The following NETO1 variants were observed in gnomAD, a reference collection of about 807,000 sequenced individuals.
NETO1 encodes the protein neuropilin and tolloid-like protein 1.
A neutral mutation model predicts 61.3 loss-of-function variants in NETO1; 26 were observed. The observed-to-expected ratio is 0.42, with a 90% CI of 0.31 to 0.59. The LOEUF (loss-of-function observed/expected upper bound fraction) is 0.59, where lower values mean the gene tolerates loss of function less well. Among genes scored for constraint, NETO1 ranks in the 20% least tolerant of loss-of-function variants. NETO1 has a pLI of 0.12. For missense variants in NETO1, 531 were observed against 662.8 expected (o/e 0.80, Z 2.18); for synonymous variants, 225 against 225.8 (o/e 1.00, Z 0.03).
chr18:72,782,131 A>C (rs1167455797), intron 7 of NETO1, among the ~76,000 whole-genome samples: 1 of 152,194 alleles, frequency 6.6e-6, no homozygotes, highest in Admixed American at 6.5e-5. Flanking sequence ...TAGACTTCTA[A>C]GGATAATGGC....
rs371621194 is a variant in NETO1, at chr18:72,750,670, C to G, written c.983-50G>C. 6.0e-6 allele frequency: 8 copies of G among 1,336,196 alleles called. No homozygotes were observed. The East Asian group carries it at 1.4e-4, about 24-fold the overall frequency. The allele number at this position is 1,336,196 out of a possible 1,614,324, so 82.8% of individuals were successfully genotyped here. On this transcript the variant is annotated intron_variant, in intron 8 of 10. Transcript: ENST00000327305. ...AACAAACGGACAAAAGAAGAAGCAA[C>G]GCAGCAAACATTAATATTATAGTCA... is the stretch of plus-strand genomic sequence containing the variant.
intron 6 of NETO1, among the ~76,000 whole-genome samples, chr18:72,784,447 A>G (rs1346199586): frequency 1.3e-5 from 2 of 152,208 alleles, no homozygotes; most frequent in African/African-American, 4.8e-5. Context: ...AAAAAGGCCA[A>G]GCTAGTCTCT....
intron 4 of NETO1, among the ~76,000 whole-genome samples, chr18:72,811,243 C>T (rs2072856146): frequency 6.6e-6 from 1 of 152,142 alleles, no homozygotes; most frequent in South Asian, 2.1e-4. Flanking sequence ...CCTAACGGCA[C>T]CACCTGTTCT....
chr18:72,859,093 G>A lies in NETO1; in HGVS notation c.221-19C>T, dbSNP rs761557282. The A allele has an allele frequency of 4.5e-6, 7 of 1,571,060 alleles. No homozygotes were observed. In the South Asian group the frequency reaches 4.8e-5, roughly 11 times the overall value. ...GGAGCGGCTGTAAAGAAGAAAGATT[G>A]TGTCTAGGAGGTCATTTCTTACATC... On this transcript the variant is annotated intron_variant, in intron 3 of 10. Coordinates refer to ENST00000327305, the MANE Select transcript of NETO1 (RefSeq NM_138966.5).
chr18:72,862,991 T>G (rs1031650300), intron 3 of NETO1, among the ~76,000 whole-genome samples: 14 of 152,204 alleles, frequency 9.2e-5, no homozygotes, highest in Admixed American at 9.2e-4. Flanking sequence ...AGTATAAGTA[T>G]TTATTATGAT....
At chr18:72,769,904 C>T (rs1022625841) in intron 7 of NETO1, among the ~76,000 whole-genome samples, 12 of 152,036 alleles carry the variant, frequency 7.9e-5, no homozygotes, top group African/African-American at 2.9e-4. Flanking sequence ...GACTCATCAG[C>T]AGTATATATT....
intron 6 of NETO1, among the ~76,000 whole-genome samples, chr18:72,793,151 C>T (rs962652324): frequency 2.0e-5 from 3 of 152,086 alleles, no homozygotes; most frequent in Admixed American, 6.6e-5. Context: ...AGAGTGCTTG[C>T]GACTTTATAG....
At chr18:72,771,341 G>A (rs576657206) in intron 7 of NETO1, among the ~76,000 whole-genome samples, 92 of 152,282 alleles carry the variant, frequency 6.0e-4, no homozygotes, top group Middle Eastern at 3.4e-3. Context: ...GCTTCTTAGA[G>A]TACAACCTTC....
chr18:72,860,132 C>T (rs2145652025), intron 3 of NETO1, among the ~76,000 whole-genome samples: 1 of 152,252 alleles, frequency 6.6e-6, no homozygotes, highest in Middle Eastern at 3.4e-3. Flanking sequence ...TACATTCAGC[C>T]AGGATACTCC....
chr18:72,773,389 G>T (rs1329873560), intron 7 of NETO1, among the ~76,000 whole-genome samples: 1 of 152,144 alleles, frequency 6.6e-6, no homozygotes. Context: ...AAGAATGTAA[G>T]TTAATAACCA....
intron 4 of NETO1, among the ~76,000 whole-genome samples, chr18:72,808,661 A>T (rs2156103): frequency 0.77 from 116,481 of 152,228 alleles, 51,335 homozygotes; most frequent in Non-Finnish European, 0.99. Context: ...CATAAATAAG[A>T]TAAGGACACA....
chr18:72,814,896 A>T (rs554286434), intron 4 of NETO1, among the ~76,000 whole-genome samples: 1 of 152,060 alleles, frequency 6.6e-6, no homozygotes, highest in Admixed American at 6.6e-5. Context: ...AAAGAGAAAT[A>T]AAAATCTACC....
chr18:72,865,226 A>G lies in NETO1; in HGVS notation c.44T>C (p.Ile15Thr), dbSNP rs1386920827. Residue 15 changes from isoleucine (I) to threonine (T), a missense_variant, in exon 2 of 11, where the codon ATC (isoleucine) becomes ACC (threonine). By Grantham distance (89) the Ile-to-Thr change is moderately conservative. Transcript: ENST00000327305. ...RSVLHIVASL[I>T]ILHLSGATKK... ...GGTTGCCCCAGACAAATGGAGGATG[A>G]TTAAACTTGCTACAACTGAAACAGA... 1 of 1,613,106 alleles carries G rather than the reference A, an allele frequency of 6.2e-7. No homozygotes were observed. The highest frequency in any genetic ancestry group is 1.7e-5 in the Admixed American group (1 of 59,952).
chr18:72,793,799 G>A (rs547154651), intron 6 of NETO1, among the ~76,000 whole-genome samples: 4 of 152,298 alleles, frequency 2.6e-5, no homozygotes, highest in Admixed American at 1.3e-4. Flanking sequence ...CAATAAGAGC[G>A]TAAGTGTAGT....
chr18:72,867,516 C>A lies in NETO1; in HGVS notation c.-225G>T. ...TCCGCCCCGGGCGGGCTCTCGCTCT[C>A]GCTGGCCCTCAGCGCCGCGCAGCCA... On this transcript the variant is annotated 5_prime_UTR_variant, in exon 1 of 11. Transcript: ENST00000327305. 2.6e-6 allele frequency: 1 copy of A among 388,896 alleles called. No individual in the cohort carries two copies. Among genetic ancestry groups the A allele is most frequent in the Non-Finnish European group, 4.5e-6 (1 of 219,952 alleles). The allele number at this position is 388,896 out of a possible 1,614,324, so 24.1% of individuals were successfully genotyped here. A position where few individuals can be genotyped will look rare whatever the true frequency, so the allele number is the denominator to read the frequency against.
intron 7 of NETO1, among the ~76,000 whole-genome samples, chr18:72,772,996 A>G (rs1279119168): frequency 2.0e-5 from 3 of 151,248 alleles, no homozygotes; most frequent in Non-Finnish European, 4.4e-5. Flanking sequence ...TATAACATTT[A>G]GCTCAGTAAT....
chr18:72,859,005 T>C lies in NETO1; in HGVS notation c.290A>G (p.Lys97Arg). The C allele has an allele frequency of 6.2e-7, 1 of 1,613,834 alleles. No individual in the cohort carries two copies. Among genetic ancestry groups the C allele is most frequent in the Non-Finnish European group, 8.5e-7 (1 of 1,179,840 alleles). Residue 97 changes from lysine to arginine, a missense_variant, in exon 4 of 11, where the codon AAA (lysine) becomes AGA (arginine). Physicochemically the swap from Lys to Arg is conservative, Grantham distance 26. Transcript: ENST00000327305. ...ATCTCGAACTTCAATATGATCAAAT[T>C]TGCACTCCCAAGACGGTTCAATAGA... ...KYSIEPSWEC[K>R]FDHIEVRDGP...
At chr18:72,765,029 TGAAA>T (rs917323501) in intron 7 of NETO1, among the ~76,000 whole-genome samples, 6 of 152,044 alleles carry the variant, frequency 3.9e-5, no homozygotes, top group African/African-American at 1.4e-4. Context: ...CTTGGCCATC[TGAAA>T]GTATAAATCA....
chr18:72,833,765 T>G (rs2073654896), intron 4 of NETO1, among the ~76,000 whole-genome samples: 1 of 152,148 alleles, frequency 6.6e-6, no homozygotes, highest in South Asian at 2.1e-4. Context: ...ACTGAAAAAT[T>G]AATGCCTTCT....
Sources: gnomAD v4.1 joint callset for allele counts (sites outside exome capture counted in the v4.1 genomes callset) on GRCh38, gnomAD v4.1.1 for gene constraint, MANE v1.5 for transcripts, NCBI Gene and HGNC (gene_info 2026-07-23, HGNC 2026-07-21) for gene names.